The following TRAPPC8 variants were observed in gnomAD, a reference collection of about 807,000 sequenced individuals.
TRAPPC8 encodes the protein trafficking protein particle complex subunit 8.
A neutral mutation model predicts 174.3 loss-of-function variants in TRAPPC8; 54 were observed. That is an observed-to-expected ratio of 0.31 (90% confidence interval 0.25 to 0.39). The LOEUF (loss-of-function observed/expected upper bound fraction) is 0.39. TRAPPC8 is among the 10% of genes least tolerant of loss of function. TRAPPC8 has a pLI of 1.00. For synonymous variants in TRAPPC8, 630 were observed against 579.9 expected, an observed-to-expected ratio of 1.09 and a Z score of -1.24; for missense variants, 1,531 against 1,699.1, an observed-to-expected ratio of 0.90 and a Z score of 1.74.
chr18:31,832,324 T>C (rs1004611572), intron 27 of TRAPPC8, 151 bp from the exon 28 acceptor site: 3 of 317,012 alleles, frequency 9.5e-6, no homozygotes, highest in Non-Finnish European at 1.7e-5. Context: ...CCAAAATCAC[T>C]CAAGACAAAT....
chr18:31,908,438 T>C lies in TRAPPC8; in HGVS notation c.1123-20A>G. ...TATTAGCTTTAAAAAAGAGATTAAATATGTTGACAAACAAAGAATTTAGTA... is the reference window on the plus strand; with the variant it reads ...TATTAGCTTTAAAAAAGAGATTAAACATGTTGACAAACAAAGAATTTAGTA... On this transcript the variant is annotated intron_variant, in intron 7 of 28. Coordinates refer to ENST00000283351, the MANE Select transcript of TRAPPC8 (RefSeq NM_014939.5). The C allele has an allele frequency of 2.1e-6, 3 of 1,454,360 alleles. No individual in the cohort carries two copies. Among genetic ancestry groups the C allele is most frequent in the East Asian group, 2.4e-5 (1 of 42,192 alleles). The allele number at this position is 1,454,360 out of a possible 1,614,324, so 90.1% of individuals were successfully genotyped here.
chr18:31,941,246 C>G (rs2038327376), intron 1 of TRAPPC8, among the ~76,000 whole-genome samples: 1 of 152,118 alleles, frequency 6.6e-6, no homozygotes, highest in Non-Finnish European at 1.5e-5. Context: ...AGTTCGAGAC[C>G]AACCTGACCA....
intron 1 of TRAPPC8, 84 bp downstream of exon 1, chr18:31,942,524 C>G: frequency 7.0e-7 from 1 of 1,423,038 alleles, no homozygotes; most frequent in Non-Finnish European, 9.3e-7. Flanking sequence ...AAACACTGCC[C>G]TTCTCTTCCC....
chr18:31,938,735 T>C (rs1266483974), intron 1 of TRAPPC8, among the ~76,000 whole-genome samples: 1 of 152,210 alleles, frequency 6.6e-6, no homozygotes, highest in Non-Finnish European at 1.5e-5. Context: ...TTTTAGTCAG[T>C]TGTATTCTTA....
intron 27 of TRAPPC8, among the ~76,000 whole-genome samples, chr18:31,837,028 C>G (rs559492598): frequency 1.7e-4 from 26 of 152,040 alleles, no homozygotes; most frequent in Non-Finnish European, 3.2e-4. Flanking sequence ...TCCCAAAGTG[C>G]TGGGATTACA....
At chr18:31,912,674 AG>A (rs2036966975) in intron 5 of TRAPPC8, among the ~76,000 whole-genome samples, 1 of 151,916 alleles carries the variant, frequency 6.6e-6, no homozygotes, top group Non-Finnish European at 1.5e-5. Context: ...AAAAAAGAAA[AG>A]AAAAAGAAAA....
chr18:31,917,532 C>T (rs2037199340), intron 3 of TRAPPC8, 46 bp downstream of exon 3: 1 of 1,534,710 alleles, frequency 6.5e-7, no homozygotes, highest in Non-Finnish European at 8.9e-7. Context: ...AGATTAATAA[C>T]TTCCATAATA....
intron 11 of TRAPPC8, among the ~76,000 whole-genome samples, chr18:31,896,678 T>A (rs1041644150): frequency 2.0e-5 from 3 of 152,126 alleles, no homozygotes; most frequent in Non-Finnish European, 4.4e-5. Context: ...CAGGCTGGAG[T>A]GCAGTGGTGC....
intron 27 of TRAPPC8, among the ~76,000 whole-genome samples, chr18:31,837,227 G>T (rs1258084378): frequency 6.6e-6 from 1 of 151,968 alleles, no homozygotes; most frequent in Non-Finnish European, 1.5e-5. Context: ...GATCCAACAA[G>T]AGTTAAGTGC....
At chr18:31,891,962 G>A (rs1313113324) in intron 11 of TRAPPC8, among the ~76,000 whole-genome samples, 1 of 152,162 alleles carries the variant, frequency 6.6e-6, no homozygotes, top group Non-Finnish European at 1.5e-5. Context: ...TAAATGATTA[G>A]ATGATTGCTC....
chr18:31,831,486 G>C (rs2032366671), intron 28 of TRAPPC8, among the ~76,000 whole-genome samples: 1 of 152,020 alleles, frequency 6.6e-6, no homozygotes, highest in Non-Finnish European at 1.5e-5. Context: ...TATTCTCTAG[G>C]CACAATGCTA....
intron 8 of TRAPPC8, 150 bp downstream of exon 8, chr18:31,908,153 T>A: frequency 2.2e-6 from 1 of 446,598 alleles, no homozygotes. Context: ...ATTAATATGA[T>A]TTACTTGAGT....
intron 11 of TRAPPC8, 57 bp downstream of exon 11, chr18:31,897,729 C>A: frequency 8.0e-7 from 1 of 1,257,366 alleles, no homozygotes; most frequent in Non-Finnish European, 1.0e-6. Flanking sequence ...AAAGATACAT[C>A]TTTTTAAAAA....
chr18:31,853,000 T>C (rs1236885920), intron 22 of TRAPPC8: 1 of 253,988 alleles, frequency 3.9e-6, no homozygotes, highest in Non-Finnish European at 7.6e-6. Context: ...TTCCTTTCAG[T>C]ATGTTTCATA....
At chr18:31,875,041 T>C (rs1427264980) in intron 12 of TRAPPC8, among the ~76,000 whole-genome samples, 1 of 152,120 alleles carries the variant, frequency 6.6e-6, no homozygotes, top group African/African-American at 2.4e-5. Flanking sequence ...AGCTTACTTC[T>C]CAACTTGACT....
chr18:31,880,133 T>TCC lies in TRAPPC8; in HGVS notation c.1729-5430_1729-5429insGG, dbSNP rs1417882526. Among the ~76,000 whole-genome samples, 384 of 132,808 alleles carry TCC rather than the reference T, an allele frequency of 2.9e-3. 2 individuals are homozygous for TCC. The highest frequency in any genetic ancestry group is 0.01 in the African/African-American group (354 of 35,070). 87.1% of individuals were successfully genotyped at this position (132,808 alleles called of 152,430 possible). A position where few individuals can be genotyped will look rare whatever the true frequency, so the allele number is the denominator to read the frequency against. On this transcript the variant is annotated intron_variant, in intron 12 of 28. Transcript: ENST00000283351. ...TATATATATATATATTTTTTTTTTT[T>TCC]TAAGGAAGAAAGATTCCTCCTTAAC...
intron 1 of TRAPPC8, among the ~76,000 whole-genome samples, chr18:31,931,764 T>C (rs554850084): frequency 2.0e-5 from 3 of 152,304 alleles, no homozygotes; most frequent in African/African-American, 7.2e-5. Flanking sequence ...GCTTTCCTAC[T>C]GTAGGTCCTC....
intron 11 of TRAPPC8, 102 bp from the exon 12 acceptor site, chr18:31,890,968 A>G: frequency 9.0e-7 from 1 of 1,116,758 alleles, no homozygotes; most frequent in Non-Finnish European, 1.2e-6. Context: ...TAGCATATCC[A>G]ATGTTTAACT....
intron 9 of TRAPPC8, among the ~76,000 whole-genome samples, chr18:31,903,814 C>G (rs2036545573): frequency 6.7e-6 from 1 of 149,568 alleles, no homozygotes; most frequent in African/African-American, 2.5e-5. Context: ...GTGCTTGAGC[C>G]CAGGAATTCA....
Sources: allele counts gnomAD v4.1 joint callset (sites outside exome capture counted in the v4.1 genomes callset), GRCh38; gene constraint gnomAD v4.1.1; transcripts MANE v1.5; gene names NCBI Gene and HGNC (gene_info 2026-07-23, HGNC 2026-07-21).